MEOX2: variants seen among roughly 807,000 people sequenced by gnomAD.
The protein encoded by MEOX2 is mesenchyme homeobox 2, also known as homeobox protein MOX-2.
Under a neutral mutation model 27.0 loss-of-function variants are expected in MEOX2, and 11 were observed. The observed-to-expected ratio is 0.41, with a 90% CI of 0.26 to 0.68. The LOEUF is 0.68. Among genes scored for constraint, MEOX2 ranks in the 30% least tolerant of loss-of-function variants. The pLI is 0.33. For synonymous variants in MEOX2, 189 were observed against 155.4 expected (o/e 1.22, Z -1.61); for missense variants, 436 against 385.4 (o/e 1.13, Z -1.10).
intron 1 of MEOX2, among the ~76,000 whole-genome samples, chr7:15,627,253 A>T (rs1319013578): frequency 6.6e-6 from 1 of 152,114 alleles, no homozygotes; most frequent in Non-Finnish European, 1.5e-5. Context: ...TCTGTTTCAT[A>T]AGTTGTTGAA....
intron 1 of MEOX2, among the ~76,000 whole-genome samples, chr7:15,682,485 C>T (rs1034931547): frequency 6.6e-6 from 1 of 151,852 alleles, no homozygotes; most frequent in Non-Finnish European, 1.5e-5. Flanking sequence ...TGTAATTTTA[C>T]AAGAATCTAA....
intron 1 of MEOX2, among the ~76,000 whole-genome samples, chr7:15,634,614 T>G (rs1781454203): frequency 6.6e-6 from 1 of 151,976 alleles, no homozygotes; most frequent in Admixed American, 6.6e-5. Context: ...TAGAGAATCA[T>G]TGCATATAGA....
chr7:15,676,989 A>C (rs1043371444), intron 1 of MEOX2, among the ~76,000 whole-genome samples: 1 of 152,160 alleles, frequency 6.6e-6, no homozygotes, highest in Admixed American at 6.5e-5. Flanking sequence ...CAAGTAAAAG[A>C]GGCTGTGGAA....
intron 1 of MEOX2, among the ~76,000 whole-genome samples, chr7:15,664,902 A>ACTT (rs1490069379): frequency 1.3e-5 from 2 of 152,194 alleles, no homozygotes; most frequent in Non-Finnish European, 2.9e-5. Flanking sequence ...CTTATTAAAT[A>ACTT]CTTTATCTTG....
Position 15,611,309 on chromosome 7 carries a change from T to C in MEOX2, c.*1078A>G, listed in dbSNP as rs1781026295. The C allele has an allele frequency of 6.6e-6, 1 of 152,250 alleles. No homozygotes were observed. Among genetic ancestry groups the C allele is most frequent in the Non-Finnish European group, 1.5e-5 (1 of 68,024 alleles). 9.4% of individuals were successfully genotyped at this position (152,250 alleles called of 1,614,324 possible). ...ATCACATATGAAAAAATAATGTGTT[T>C]TTACCGAATTTAATTTGAAGATATT... On this transcript the variant is annotated 3_prime_UTR_variant, in exon 3 of 3. Coordinates refer to ENST00000262041, the MANE Select transcript of MEOX2 (RefSeq NM_005924.5).
At chr7:15,650,695 T>A (rs1205260245) in intron 1 of MEOX2, among the ~76,000 whole-genome samples, 1 of 151,768 alleles carries the variant, frequency 6.6e-6, no homozygotes, top group Non-Finnish European at 1.5e-5. Flanking sequence ...GGGAAAAAAA[T>A]TGAGTTTTTT....
At chr7:15,618,145 T>G (rs1397297829) in intron 2 of MEOX2, among the ~76,000 whole-genome samples, 1 of 152,004 alleles carries the variant, frequency 6.6e-6, no homozygotes, top group Non-Finnish European at 1.5e-5. Flanking sequence ...AACCATTGTT[T>G]TCCTTTATAC....
intron 1 of MEOX2, among the ~76,000 whole-genome samples, chr7:15,628,778 G>A (rs1480076866): frequency 6.6e-6 from 1 of 152,096 alleles, no homozygotes; most frequent in East Asian, 1.9e-4. Context: ...ATCCACATTG[G>A]TGGAGCATTT....
At chr7:15,666,540 T>C (rs1782006124) in intron 1 of MEOX2, among the ~76,000 whole-genome samples, 1 of 151,482 alleles carries the variant, frequency 6.6e-6, no homozygotes, top group African/African-American at 2.4e-5. Flanking sequence ...GATCATAAGG[T>C]CAGGAGTTCA....
intron 1 of MEOX2, among the ~76,000 whole-genome samples, chr7:15,632,748 A>C (rs1781422754): frequency 6.6e-6 from 1 of 151,982 alleles, no homozygotes; most frequent in Non-Finnish European, 1.5e-5. Flanking sequence ...TCTTCTGGGT[A>C]AAAATAAACT....
At chr7:15,617,663 G>C (rs1345339349) in intron 2 of MEOX2, among the ~76,000 whole-genome samples, 2 of 152,020 alleles carry the variant, frequency 1.3e-5, no homozygotes, top group Non-Finnish European at 2.9e-5. Context: ...AAGGGTGTTT[G>C]TGTGTGTTGG....
intron 1 of MEOX2, among the ~76,000 whole-genome samples, chr7:15,631,591 C>G (rs1340655955): frequency 1.3e-5 from 2 of 151,630 alleles, no homozygotes; most frequent in African/African-American, 2.4e-5. Flanking sequence ...GACTTTTTCT[C>G]AATATATTTA....
chr7:15,668,803 G>A (rs1333081095), intron 1 of MEOX2, among the ~76,000 whole-genome samples: 1 of 152,116 alleles, frequency 6.6e-6, no homozygotes, highest in East Asian at 1.9e-4. Context: ...AGACTTGAAA[G>A]TTATACATGG....
intron 2 of MEOX2, among the ~76,000 whole-genome samples, chr7:15,623,872 A>G (rs1311422244): frequency 6.6e-6 from 1 of 152,236 alleles, no homozygotes; most frequent in Non-Finnish European, 1.5e-5. Context: ...TATGAATTCT[A>G]ACAGGTATTT....
chr7:15,672,962 A>G (rs1335486798), intron 1 of MEOX2, among the ~76,000 whole-genome samples: 2 of 152,184 alleles, frequency 1.3e-5, no homozygotes, highest in Admixed American at 1.3e-4. Flanking sequence ...ACAGATAATT[A>G]AACTTAACCT....
At chr7:15,622,876 G>A (rs1781242389) in intron 2 of MEOX2, among the ~76,000 whole-genome samples, 1 of 152,114 alleles carries the variant, frequency 6.6e-6, no homozygotes, top group Non-Finnish European at 1.5e-5. Flanking sequence ...ACTCAGATTA[G>A]TGCCCTTATT....
chr7:15,667,293 A>AAAAAAAAAAAAAAAAAAG, intron 1 of MEOX2, among the ~76,000 whole-genome samples: 1 of 132,222 alleles, frequency 7.6e-6, no homozygotes, highest in African/African-American at 2.9e-5. Flanking sequence ...CTGTCTCAAA[A>AAAAAAAAAAAAAAAAAAG]AAAAAAAAAA....
At chr7:15,634,902 T>C (rs531795982) in intron 1 of MEOX2, among the ~76,000 whole-genome samples, 26 of 152,030 alleles carry the variant, frequency 1.7e-4, no homozygotes, top group African/African-American at 5.3e-4. Flanking sequence ...ATGACACATA[T>C]GGCATCACCA....
Position 15,612,314 on chromosome 7 carries a change from G to A in MEOX2, c.*73C>T. The A allele has an allele frequency of 8.5e-7, 1 of 1,174,174 alleles. No individual in the cohort carries two copies. Among genetic ancestry groups the A allele is most frequent in the Admixed American group, 1.7e-5 (1 of 58,552 alleles). 72.7% of individuals were successfully genotyped at this position (1,174,174 alleles called of 1,614,324 possible). Reference sequence around the variant, plus strand: ...ATCACTGCCATAGTCATCTCTCTGTGTAAACGATATTTGGGTAAGGCTTGC... The same window carrying A: ...ATCACTGCCATAGTCATCTCTCTGTATAAACGATATTTGGGTAAGGCTTGC... On this transcript the variant is annotated 3_prime_UTR_variant, in exon 3 of 3. Coordinates refer to ENST00000262041, the MANE Select transcript of MEOX2 (RefSeq NM_005924.5).
Sources: gnomAD v4.1 joint callset for allele counts (sites outside exome capture counted in the v4.1 genomes callset) on GRCh38, gnomAD v4.1.1 for gene constraint, MANE v1.5 for transcripts, NCBI Gene and HGNC (gene_info 2026-07-23, HGNC 2026-07-21) for gene names.